BRAF: variants seen among roughly 807,000 people sequenced by gnomAD.
The protein encoded by BRAF is serine/threonine-protein kinase B-raf.
BRAF carries 16 observed loss-of-function variants against 104.6 expected under a neutral mutation model. The ratio of observed to expected loss-of-function variants is 0.15; its 90% CI spans 0.10 to 0.23. The LOEUF is 0.23. Ranked by LOEUF, BRAF falls within the 10% of genes least tolerant of loss-of-function variation. The pLI is 1.00. For missense variants in BRAF, 541 were observed against 937.3 expected (o/e 0.58, Z 5.52); for synonymous variants, 310 against 341.6 (o/e 0.91, Z 1.02).
intron 1 of BRAF, among the ~76,000 whole-genome samples, chr7:140,889,785 G>A (rs1814007503): frequency 6.6e-6 from 1 of 152,138 alleles, no homozygotes; most frequent in Non-Finnish European, 1.5e-5. Context: ...TATAAGGAGA[G>A]CAACACAAGC....
At chr7:140,842,576 A>T (rs1808081653) in intron 2 of BRAF, among the ~76,000 whole-genome samples, 2 of 152,320 alleles carry the variant, frequency 1.3e-5, no homozygotes, top group South Asian at 4.1e-4. Context: ...CTAGAAAAGC[A>T]TCTAGCATTA....
intron 1 of BRAF, among the ~76,000 whole-genome samples, chr7:140,885,602 G>A (rs917325873): frequency 1.3e-5 from 2 of 152,158 alleles, no homozygotes; most frequent in Non-Finnish European, 2.9e-5. Flanking sequence ...CAAGGTCTGT[G>A]TTACAATGTA....
Position 140,754,054 on chromosome 7 carries a change from C to T in BRAF, c.1861+133G>A, listed in dbSNP as rs1166585223. 10 of 974,742 alleles carry T rather than the reference C, an allele frequency of 1.0e-5. No individual in the cohort carries two copies. The East Asian group carries it at 2.5e-4, about 25-fold the overall frequency. The allele number at this position is 974,742 out of a possible 1,614,324, so 60.4% of individuals were successfully genotyped here. On this transcript the variant is annotated intron_variant, in intron 15 of 19. Coordinates refer to ENST00000644969, the MANE Select transcript of BRAF (RefSeq NM_001374258.1). ...TCCTGCTCTCCTATACATGCATGCACAATCCTTTATTAATTCTCTTTACAG... is the reference window on the plus strand; with the variant it reads ...TCCTGCTCTCCTATACATGCATGCATAATCCTTTATTAATTCTCTTTACAG...
chr7:140,734,199 C>T, intron 19 of BRAF: 1 of 1,096,822 alleles, frequency 9.1e-7, no homozygotes, highest in Non-Finnish European at 1.1e-6. Flanking sequence ...CGACTGCCAA[C>T]TTCTCACCTG....
At chr7:140,812,553 T>C (rs1804395805) in intron 3 of BRAF, among the ~76,000 whole-genome samples, 1 of 152,328 alleles carries the variant, frequency 6.6e-6, no homozygotes, top group East Asian at 1.9e-4. Flanking sequence ...AAGTTGCATA[T>C]ATATTTCATC....
chr7:140,849,661 A>C (rs1808942369), intron 2 of BRAF, among the ~76,000 whole-genome samples: 1 of 151,862 alleles, frequency 6.6e-6, no homozygotes, highest in African/African-American at 2.4e-5. Flanking sequence ...AAATAGAAAA[A>C]ATTAGGTGGA....
intron 7 of BRAF, among the ~76,000 whole-genome samples, chr7:140,794,773 C>T (rs1802344001): frequency 6.6e-6 from 1 of 152,102 alleles, no homozygotes; most frequent in South Asian, 2.1e-4. Flanking sequence ...GAAGTTCAAC[C>T]TTTGAAGTTA....
rs886041256 is a variant in BRAF at position 140,834,841 on chromosome 7, G to C, written c.272C>G (p.Ala91Gly). 6.2e-7 allele frequency: 1 copy of C among 1,614,122 alleles called. No individual in the cohort carries two copies. The highest frequency in any genetic ancestry group is 2.2e-5 in the East Asian group (1 of 44,886). ...TAACTGTTGTTCTCTTTGTTGGAGTGCATCTAGCTTGCTGGTGTATTCTTC... is the reference window on the plus strand; with the variant it reads ...TAACTGTTGTTCTCTTTGTTGGAGTCCATCTAGCTTGCTGGTGTATTCTTC... ...AYEEYTSKLD[A>G]LQQREQQLLE... The change falls in exon 3 of 20, where the codon GCA (alanine) becomes GGA (glycine). Residue 91 changes from alanine to glycine, a missense_variant. By Grantham distance (60) the Ala-to-Gly change is moderately conservative. Coordinates refer to ENST00000644969, the MANE Select transcript of BRAF (RefSeq NM_001374258.1).
chr7:140,834,901 T>G (rs1370285128), intron 2 of BRAF, 29 bp from the exon 3 acceptor site: 2 of 1,613,262 alleles, frequency 1.2e-6, no homozygotes, highest in Non-Finnish European at 1.7e-6. Context: ...TTATATTCAA[T>G]CCGGACTTTG....
At chr7:140,916,256 A>G (rs1307122945) in intron 1 of BRAF, among the ~76,000 whole-genome samples, 1 of 152,234 alleles carries the variant, frequency 6.6e-6, no homozygotes, top group Non-Finnish European at 1.5e-5. Flanking sequence ...CTAACCAGTA[A>G]AAAGCTATCA....
chr7:140,868,033 CT>C (rs1811169912), intron 1 of BRAF, among the ~76,000 whole-genome samples: 1 of 152,196 alleles, frequency 6.6e-6, no homozygotes, highest in African/African-American at 2.4e-5. Flanking sequence ...CATGCCTGGA[CT>C]AGTTTACTAG....
chr7:140,870,431 G>A (rs888859713), intron 1 of BRAF, among the ~76,000 whole-genome samples: 17 of 151,940 alleles, frequency 1.1e-4, no homozygotes, highest in African/African-American at 3.4e-4. Context: ...AAGGAAAAAC[G>A]CCAATTCCAT....
rs142625755 is a variant in BRAF at position 140,768,120 on chromosome 7, T to A, written c.1814+8792A>T. 4.1e-4 allele frequency among the ~76,000 whole-genome samples: 62 copies of A among 152,290 alleles called. No homozygotes were observed. In the East Asian group the frequency reaches 4.6e-3, roughly 11 times the overall value. The stretch of plus-strand genomic sequence containing the variant: ...CCATTGTGTATAGTATTAAAACACA[T>A]CATTCTGAAAGGATACACAATACAC... On this transcript the variant is annotated intron_variant, in intron 14 of 19. Transcript: ENST00000644969.
At chr7:140,779,509 A>ATACT (rs888142310) in intron 12 of BRAF, among the ~76,000 whole-genome samples, 1 of 152,226 alleles carries the variant, frequency 6.6e-6, no homozygotes, top group African/African-American at 2.4e-5. Context: ...TATTTTGATT[A>ATACT]TACTTACCAG....
intron 14 of BRAF, among the ~76,000 whole-genome samples, chr7:140,766,232 T>C (rs1184360479): frequency 1.3e-5 from 2 of 151,806 alleles, no homozygotes; most frequent in East Asian, 1.9e-4. Context: ...TAGATGGGAA[T>C]TGAACAATGA....
chr7:140,863,846 A>AT lies in BRAF; in HGVS notation c.139-13635dup, dbSNP rs371684935. On this transcript the variant is annotated intron_variant, in intron 1 of 19. Coordinates refer to ENST00000644969, the MANE Select transcript of BRAF (RefSeq NM_001374258.1). ...CAGAAGGTGAGCAGATGCCAGTATC[A>AT]TGCTTTCTGTAGAGCCTGCAGAACC... Among the ~76,000 whole-genome samples, 7 of 152,314 alleles carry AT rather than the reference A, an allele frequency of 4.6e-5. No individual in the cohort carries two copies. The East Asian group carries it at 1.4e-3, about 29-fold the overall frequency.
intron 1 of BRAF, among the ~76,000 whole-genome samples, chr7:140,910,366 C>T (rs935690395): frequency 4.6e-5 from 7 of 152,250 alleles, no homozygotes; most frequent in African/African-American, 1.7e-4. Flanking sequence ...CCCATAACAA[C>T]TTCCCATGTC....
intron 3 of BRAF, among the ~76,000 whole-genome samples, chr7:140,831,105 G>A (rs1478342155): frequency 6.6e-6 from 1 of 152,204 alleles, no homozygotes; most frequent in Non-Finnish European, 1.5e-5. Flanking sequence ...TGGGTAGATA[G>A]TGTCAGAATT....
At chr7:140,912,386 T>C (rs1463689979) in intron 1 of BRAF, among the ~76,000 whole-genome samples, 3 of 152,212 alleles carry the variant, frequency 2.0e-5, no homozygotes, top group Non-Finnish European at 4.4e-5. Context: ...CTTAATGGCC[T>C]ATTATCATAA....
Sources: allele counts gnomAD v4.1 joint callset (sites outside exome capture counted in the v4.1 genomes callset), GRCh38; gene constraint gnomAD v4.1.1; transcripts MANE v1.5; gene names NCBI Gene and HGNC (gene_info 2026-07-23, HGNC 2026-07-21).